Variants in ARHGEF4 observed in about 807,000 individuals in gnomAD.
The protein encoded by ARHGEF4 is APC-stimulated guanine nucleotide exchange factor 1.
Under a neutral mutation model 162.0 loss-of-function variants are expected in ARHGEF4, and 119 were observed. The observed-to-expected ratio is 0.73, with a 90% CI of 0.63 to 0.86. The LOEUF (loss-of-function observed/expected upper bound fraction) is 0.86. Among genes scored for constraint, ARHGEF4 ranks in the 40% least tolerant of loss-of-function variants. ARHGEF4 has a pLI of 0.00. For synonymous variants in ARHGEF4, 1,014 were observed against 979.9 expected (o/e 1.03, Z -0.65); for missense variants, 2,488 against 2,456.0 (o/e 1.01, Z -0.28).
intron 4 of ARHGEF4, among the ~76,000 whole-genome samples, chr2:130,962,237 CAA>C (rs11332592): frequency 2.3e-3 from 287 of 122,302 alleles, no homozygotes; most frequent in Admixed American, 2.9e-3. Context: ...GTTTCCGTTT[CAA>C]AAAAAAAAAA....
chr2:130,964,920 T>G (rs1684907305), intron 4 of ARHGEF4, among the ~76,000 whole-genome samples: 1 of 152,244 alleles, frequency 6.6e-6, no homozygotes, highest in Admixed American at 6.5e-5. Flanking sequence ...TAAATATTAA[T>G]GGAGCAAGGA....
chr2:130,950,659 A>C (rs1683897043), intron 4 of ARHGEF4, among the ~76,000 whole-genome samples: 1 of 151,738 alleles, frequency 6.6e-6, no homozygotes, highest in African/African-American at 2.4e-5. Flanking sequence ...TCAGCACCTC[A>C]TAAGAAGCTC....
chr2:130,901,285 C>T lies in ARHGEF4; in HGVS notation c.40-12701C>T, dbSNP rs1250009984. On this transcript the variant is annotated intron_variant, in intron 1 of 13. Transcript: ENST00000409359. ...ACATAGCCTGAGCCTGGCAGGTGGG[C>T]GTTGGCTTGCCTGAGTTGTACTCTG... 2.6e-5 allele frequency among the ~76,000 whole-genome samples: 4 copies of T among 152,226 alleles called. No individual in the cohort carries two copies. In the East Asian group the frequency reaches 7.8e-4, roughly 30 times the overall value.
At chr2:130,960,886 G>C (rs1014225762) in intron 4 of ARHGEF4, among the ~76,000 whole-genome samples, 5 of 152,142 alleles carry the variant, frequency 3.3e-5, no homozygotes, top group African/African-American at 1.2e-4. Flanking sequence ...TTACCCACAA[G>C]ACAGCTAGGA....
chr2:130,927,185 C>T (rs941468636), intron 2 of ARHGEF4, among the ~76,000 whole-genome samples: 5 of 152,058 alleles, frequency 3.3e-5, no homozygotes, highest in Admixed American at 1.3e-4. Flanking sequence ...TGGTGATACT[C>T]CTGCTCTGTC....
intron 1 of ARHGEF4, among the ~76,000 whole-genome samples, chr2:130,844,550 T>C (rs184998341): frequency 7.9e-5 from 12 of 152,296 alleles, no homozygotes. Flanking sequence ...AACTAAAGAT[T>C]GCCCATGCTC....
intron 1 of ARHGEF4, among the ~76,000 whole-genome samples, chr2:130,874,366 G>GT (rs1678691715): frequency 6.6e-6 from 1 of 152,252 alleles, no homozygotes; most frequent in South Asian, 2.1e-4. Flanking sequence ...CTGTTCCCAA[G>GT]TCATTCTGCT....
intron 2 of ARHGEF4, among the ~76,000 whole-genome samples, chr2:130,928,798 A>C (rs1682458064): frequency 6.6e-6 from 1 of 152,140 alleles, no homozygotes; most frequent in Non-Finnish European, 1.5e-5. Context: ...AACGAAGGAC[A>C]AAAGTTCCTT....
intron 1 of ARHGEF4, among the ~76,000 whole-genome samples, chr2:130,864,702 C>T (rs1014408992): frequency 8.5e-5 from 13 of 152,048 alleles, no homozygotes; most frequent in South Asian, 6.2e-4. Flanking sequence ...CCAATCTGGG[C>T]GACAGAGCCA....
chr2:130,917,043 A>G lies in ARHGEF4; in HGVS notation c.3097A>G (p.Thr1033Ala). ...RRKSEPTIKC[T>A]ATQEGGRYLP... Reference sequence around the variant, plus strand: ...GAAAAGTGAACCGACCATCAAGTGCACAGCCACCCAGGAAGGCGGTAGGTA... The same window carrying G: ...GAAAAGTGAACCGACCATCAAGTGCGCAGCCACCCAGGAAGGCGGTAGGTA... The change falls in exon 2 of 14, where the codon ACA becomes GCA. Residue 1033 changes from threonine to alanine, a missense_variant. Thr to Ala is a moderately conservative substitution (Grantham distance 58). Around this residue, in one of 6 missense-constraint regions of ARHGEF4, gnomAD observed 1,642 missense variants for 1,481.5 expected, o/e 1.11. Coordinates refer to ENST00000409359, the MANE Select transcript of ARHGEF4 (RefSeq NM_001367493.1). The G allele has an allele frequency of 1.3e-6, 2 of 1,550,906 alleles. No individual in the cohort carries two copies. The highest frequency in any genetic ancestry group is 1.7e-6 in the Non-Finnish European group (2 of 1,147,054).
chr2:130,864,703 G>A (rs1447639454), intron 1 of ARHGEF4, among the ~76,000 whole-genome samples: 4 of 152,178 alleles, frequency 2.6e-5, no homozygotes, highest in Admixed American at 6.5e-5. Context: ...CAATCTGGGC[G>A]ACAGAGCCAG....
chr2:130,884,028 A>G (rs1347827543), intron 1 of ARHGEF4, among the ~76,000 whole-genome samples: 1 of 152,104 alleles, frequency 6.6e-6, no homozygotes, highest in Non-Finnish European at 1.5e-5. Context: ...CATCGTCAAC[A>G]TTATATATCC....
At chr2:130,926,040 CTTTCTTTCTCTT>C (rs1291162884) in intron 2 of ARHGEF4, among the ~76,000 whole-genome samples, 14 of 109,912 alleles carry the variant, frequency 1.3e-4, no homozygotes, top group Non-Finnish European at 2.4e-4. Context: ...TTCTTTCTTT[CTTTCTTTCTCTT>C]TCTTTCTTTC....
intron 4 of ARHGEF4, among the ~76,000 whole-genome samples, chr2:130,966,721 G>A (rs951023752): frequency 6.6e-6 from 1 of 152,222 alleles, no homozygotes; most frequent in South Asian, 2.1e-4. Context: ...ACTCGCTGAT[G>A]TTACTGTTTT....
chr2:131,000,501 GTGAA>G (rs1687694712), intron 4 of ARHGEF4, among the ~76,000 whole-genome samples: 1 of 152,200 alleles, frequency 6.6e-6, no homozygotes, highest in South Asian at 2.1e-4. Flanking sequence ...TTGTAAAGAT[GTGAA>G]TGAATGATTC....
chr2:130,851,167 G>C (rs546744062), intron 1 of ARHGEF4, among the ~76,000 whole-genome samples: 209 of 152,382 alleles, frequency 1.4e-3, no homozygotes, highest in African/African-American at 4.9e-3. Flanking sequence ...CTTTGAGAAG[G>C]GTGGTTGGGA....
At chr2:130,980,389 CAA>C (rs70994728) in intron 4 of ARHGEF4, among the ~76,000 whole-genome samples, 1 of 141,442 alleles carries the variant, frequency 7.1e-6, no homozygotes. Flanking sequence ...GACCATGTCT[CAA>C]AAAAAAAAAA....
intron 1 of ARHGEF4, among the ~76,000 whole-genome samples, chr2:130,888,456 G>C (rs1292037339): frequency 6.6e-6 from 1 of 151,766 alleles, no homozygotes; most frequent in Non-Finnish European, 1.5e-5. Context: ...GGCTGAGCGA[G>C]ACTCTGTCCC....
intron 1 of ARHGEF4, among the ~76,000 whole-genome samples, chr2:130,881,971 G>A (rs1346237013): frequency 6.6e-6 from 1 of 152,092 alleles, no homozygotes; most frequent in East Asian, 1.9e-4. Context: ...AGCGCTTGGG[G>A]TAATCAAGAG....
Sources: allele counts gnomAD v4.1 joint callset (sites outside exome capture counted in the v4.1 genomes callset), GRCh38; gene constraint gnomAD v4.1.1; regional missense constraint gnomAD v4.1.1; transcripts MANE v1.5; gene names NCBI Gene and HGNC (gene_info 2026-07-23, HGNC 2026-07-21).